The following FOXP2 variants were observed in gnomAD, a reference collection of about 807,000 sequenced individuals.
The protein encoded by FOXP2 is forkhead box P2.
A neutral mutation model predicts 115.8 loss-of-function variants in FOXP2; 12 were observed. That is an observed-to-expected ratio of 0.10 (90% CI 0.07 to 0.17). The LOEUF (loss-of-function observed/expected upper bound fraction) is 0.17, where lower values mean the gene tolerates loss of function less well. FOXP2 is among the 10% of genes least tolerant of loss of function. The pLI is 1.00. For missense variants in FOXP2, 629 were observed against 843.5 expected, an observed-to-expected ratio of 0.75 and a Z score of 3.15; for synonymous variants, 328 against 297.7, an observed-to-expected ratio of 1.10 and a Z score of -1.05.
chr7:114,611,304 T>C lies in FOXP2; in HGVS notation c.259-17236T>C, dbSNP rs139214678. 4.7e-3 allele frequency among the ~76,000 whole-genome samples: 718 copies of C among 152,354 alleles called. 5 individuals are homozygous for C. The highest frequency in any genetic ancestry group is 7.5e-3 in the Non-Finnish European group (507 of 68,028). On this transcript the variant is annotated intron_variant, in intron 3 of 16. Coordinates refer to ENST00000350908, the MANE Select transcript of FOXP2 (RefSeq NM_014491.4). ...TAATTTCAACTCTATTCATTTTCACTTTAGTATTTAAAGGGCTGGTATGTT... is the reference window on the plus strand; with the variant it reads ...TAATTTCAACTCTATTCATTTTCACCTTAGTATTTAAAGGGCTGGTATGTT...
At chr7:114,282,031 C>A (rs1392876728) in intron 1 of FOXP2, among the ~76,000 whole-genome samples, 2 of 152,034 alleles carry the variant, frequency 1.3e-5, no homozygotes, top group Non-Finnish European at 2.9e-5. Flanking sequence ...TCAAAGAGAG[C>A]AAATTTAAGT....
intron 2 of FOXP2, among the ~76,000 whole-genome samples, chr7:114,374,191 A>T (rs1294503611): frequency 6.6e-6 from 1 of 152,226 alleles, no homozygotes; most frequent in Non-Finnish European, 1.5e-5. Flanking sequence ...TAATATTTGT[A>T]GAACAAACAA....
At chr7:114,117,504 G>A (rs1237933794) in intron 1 of FOXP2, among the ~76,000 whole-genome samples, 1 of 152,058 alleles carries the variant, frequency 6.6e-6, no homozygotes, top group Non-Finnish European at 1.5e-5. Context: ...TTACAGGCAT[G>A]AGCCACCATG....
chr7:114,550,149 G>T (rs1458381071), intron 3 of FOXP2, among the ~76,000 whole-genome samples: 1 of 125,752 alleles, frequency 8.0e-6, no homozygotes. Context: ...ATGGAGTCTC[G>T]CTCTGTCGCC....
intron 8 of FOXP2, chr7:114,645,129 A>AATATATAT (rs60674425): frequency 8.6e-4 from 28 of 32,658 alleles, no homozygotes; most frequent in Non-Finnish European, 1.4e-3. Flanking sequence ...GAGTCATCCT[A>AATATATAT]ATATATATAT....
At chr7:114,181,775 TA>T (rs1173552430) in intron 1 of FOXP2, among the ~76,000 whole-genome samples, 3 of 152,180 alleles carry the variant, frequency 2.0e-5, no homozygotes, top group African/African-American at 7.2e-5. Context: ...ACCTAATTAG[TA>T]AAAAGGTTTT....
At chr7:114,322,766 A>G (rs925609999) in intron 2 of FOXP2, among the ~76,000 whole-genome samples, 4 of 152,192 alleles carry the variant, frequency 2.6e-5, no homozygotes, top group Non-Finnish European at 5.9e-5. Flanking sequence ...GTTAGTGTCA[A>G]ATGTGTTTAC....
intron 1 of FOXP2, among the ~76,000 whole-genome samples, chr7:114,115,594 G>C (rs530608538): frequency 6.6e-6 from 1 of 152,094 alleles, no homozygotes; most frequent in African/African-American, 2.4e-5. Flanking sequence ...ATTGGCTGTT[G>C]ATCTTCCCAC....
chr7:114,401,805 C>A (rs923724070), intron 2 of FOXP2, among the ~76,000 whole-genome samples: 5 of 152,072 alleles, frequency 3.3e-5, no homozygotes, highest in Non-Finnish European at 7.4e-5. Context: ...TAGTTTGTTA[C>A]CCTAAAGTAA....
At chr7:114,125,018 A>G (rs1343183995) in intron 1 of FOXP2, among the ~76,000 whole-genome samples, 1 of 152,136 alleles carries the variant, frequency 6.6e-6, no homozygotes, top group Non-Finnish European at 1.5e-5. Context: ...CAAAAGCAGA[A>G]CTCAAACCCA....
chr7:114,136,043 G>A (rs1188539686), intron 1 of FOXP2, among the ~76,000 whole-genome samples: 1 of 151,970 alleles, frequency 6.6e-6, no homozygotes, highest in Non-Finnish European at 1.5e-5. Context: ...ACCTATCAGT[G>A]ATAAAACACA....
chr7:114,373,773 C>T, intron 2 of FOXP2, among the ~76,000 whole-genome samples: 1 of 152,174 alleles, frequency 6.6e-6, no homozygotes. Context: ...CCATACATTT[C>T]TCATTTATGC....
At chr7:114,345,180 G>A (rs1044075178) in intron 2 of FOXP2, among the ~76,000 whole-genome samples, 1 of 151,830 alleles carries the variant, frequency 6.6e-6, no homozygotes, top group Admixed American at 6.6e-5. Context: ...GAATTGTATA[G>A]TTTTCTTAAA....
intron 2 of FOXP2, among the ~76,000 whole-genome samples, chr7:114,337,064 C>T (rs1206158272): frequency 2.6e-5 from 4 of 151,536 alleles, no homozygotes; most frequent in African/African-American, 7.2e-5. Context: ...AAAGAATCTG[C>T]TGCTCCTCTA....
At chr7:114,567,163 T>C (rs1391262476) in intron 3 of FOXP2, among the ~76,000 whole-genome samples, 1 of 152,100 alleles carries the variant, frequency 6.6e-6, no homozygotes, top group Non-Finnish European at 1.5e-5. Context: ...TTATACATAG[T>C]AGAAACAATA....
chr7:114,642,812 A>ATATATATTT (rs1308357594), intron 7 of FOXP2, among the ~76,000 whole-genome samples, 189 bp downstream of exon 7: 41 of 72,398 alleles, frequency 5.7e-4, no homozygotes, highest in African/African-American at 1.9e-3. Context: ...ATATATATAT[A>ATATATATTT]TTTTTTTTTT....
intron 1 of FOXP2, among the ~76,000 whole-genome samples, chr7:114,278,330 A>G (rs1208598139): frequency 6.6e-6 from 1 of 151,816 alleles, no homozygotes; most frequent in African/African-American, 2.4e-5. Flanking sequence ...AAAACATTTC[A>G]TTTCATAAGC....
At chr7:114,416,895 T>A (rs1048235097) in intron 1 of FOXP2, among the ~76,000 whole-genome samples, 4 of 150,164 alleles carry the variant, frequency 2.7e-5, no homozygotes, top group Non-Finnish European at 5.9e-5. Flanking sequence ...AACAACTTGT[T>A]TGACTTTTTT....
At chr7:114,307,207 C>G (rs1257057205) in intron 2 of FOXP2, among the ~76,000 whole-genome samples, 1 of 151,974 alleles carries the variant, frequency 6.6e-6, no homozygotes, top group Admixed American at 6.6e-5. Flanking sequence ...AGGATTAAAT[C>G]ATTCAATTTG....
Sources: gnomAD v4.1 joint callset for allele counts (sites outside exome capture counted in the v4.1 genomes callset) on GRCh38, gnomAD v4.1.1 for gene constraint, MANE v1.5 for transcripts, NCBI Gene and HGNC (gene_info 2026-07-23, HGNC 2026-07-21) for gene names.